Variants in NDC80 observed in about 807,000 individuals in gnomAD.
NDC80 encodes the protein NDC80 kinetochore complex component, also known as kinetochore protein NDC80 homolog.
Under a neutral mutation model 89.3 loss-of-function variants are expected in NDC80, and 69 were observed. The ratio of observed to expected loss-of-function variants is 0.77; its 90% confidence interval spans 0.64 to 0.94. The LOEUF is 0.94. Among genes scored for constraint, NDC80 ranks in the 40% least tolerant of loss-of-function variants. NDC80 has a pLI of 0.00. For missense variants in NDC80, 593 were observed against 739.6 expected (o/e 0.80, Z 2.30); for synonymous variants, 243 against 255.6 (o/e 0.95, Z 0.47).
In NDC80 at chr18:2,610,782, C is replaced by T. The variant is rs536241153; in HGVS notation, c.1712C>T (p.Thr571Met). The change falls in exon 16 of 17, where the codon ACG becomes ATG. Residue 571 changes from threonine (T) to methionine (M), a missense_variant. Transcript: ENST00000261597. ...AGATACCAACTAGTTGTGCAAACCA[C>T]GACTGAAGAAAGACGAAAAGTGGGA... ...QREYQLVVQT[T>M]TEERRKVGNN... 48 of 1,590,782 alleles carry T rather than the reference C, an allele frequency of 3.0e-5. No homozygotes were observed. Among genetic ancestry groups the T allele is most frequent in the African/African-American group, 5.4e-5 (4 of 74,502 alleles).
intron 6 of NDC80, among the ~76,000 whole-genome samples, chr18:2,584,426 T>G (rs556282850): frequency 5.6e-4 from 85 of 152,020 alleles, no homozygotes; most frequent in African/African-American, 2.0e-3. Context: ...TCATTTAAAT[T>G]TTCTATTTTT....
intron 11 of NDC80, 36 bp from the exon 12 acceptor site, chr18:2,598,983 C>T: frequency 6.8e-7 from 1 of 1,474,034 alleles, no homozygotes; most frequent in Non-Finnish European, 9.0e-7. Flanking sequence ...TGGAATGGGG[C>T]TGCTTTAACA....
In NDC80 at chr18:2,578,969, G is replaced by A. The variant is rs1326385543; in HGVS notation, c.519G>A (p.Gly173=). 6.4e-7 allele frequency: 1 copy of A among 1,570,338 alleles called. No individual in the cohort carries two copies. The highest frequency in any genetic ancestry group is 8.6e-7 in the Non-Finnish European group (1 of 1,158,444). The part of the protein sequence containing the change: ...ALSKSSMYTV[G]APHTWPHIVA... Reference sequence around the variant, plus strand: ...CCAAAAGCTCCATGTACACAGTGGGGGCTCCTCATACATGGCCTCACATTG... The same window carrying A: ...CCAAAAGCTCCATGTACACAGTGGGAGCTCCTCATACATGGCCTCACATTG... The change falls in exon 6 of 17, where the codon GGG becomes GGA. Residue 173 remains glycine, a synonymous_variant. Coordinates refer to ENST00000261597, the MANE Select transcript of NDC80 (RefSeq NM_006101.3).
At chr18:2,581,362 A>G (rs1264319209) in intron 6 of NDC80, among the ~76,000 whole-genome samples, 3 of 152,266 alleles carry the variant, frequency 2.0e-5, no homozygotes, top group South Asian at 2.1e-4. Flanking sequence ...AGTCCCATTT[A>G]TGGAAAAACT....
intron 6 of NDC80, among the ~76,000 whole-genome samples, chr18:2,580,962 A>T (rs963424597): frequency 6.6e-6 from 1 of 151,526 alleles, no homozygotes; most frequent in Admixed American, 6.6e-5. Context: ...GGCTGGTCTC[A>T]AACTTCTGAC....
Position 2,599,027 on chromosome 18 carries a change from A to G in NDC80, c.1230A>G (p.Thr410=), listed in dbSNP as rs1221946601. ...GTGTTCTGTTCTTACAGATTGAAACACAATTAGCAGAGTATCACAAATTGG... is the reference window on the plus strand; with the variant it reads ...GTGTTCTGTTCTTACAGATTGAAACGCAATTAGCAGAGTATCACAAATTGG... ...KYARGKEAIE[T]QLAEYHKLAR... Residue 410 remains threonine (T), a synonymous_variant, in exon 12 of 17, where the codon ACA becomes ACG. Coordinates refer to ENST00000261597, the MANE Select transcript of NDC80 (RefSeq NM_006101.3). 1 of 1,604,420 alleles carries G rather than the reference A, an allele frequency of 6.2e-7. No homozygotes were observed. The highest frequency in any genetic ancestry group is 1.3e-5 in the African/African-American group (1 of 74,488).
At chr18:2,612,754 GTA>G (rs1336503101) in intron 16 of NDC80, among the ~76,000 whole-genome samples, 2 of 152,120 alleles carry the variant, frequency 1.3e-5, no homozygotes, top group Non-Finnish European at 2.9e-5. Flanking sequence ...TTTAGTTTCT[GTA>G]TAGTTTGGTG....
chr18:2,594,143 T>G (rs2072641960), intron 10 of NDC80: 1 of 157,818 alleles, frequency 6.3e-6, no homozygotes, highest in Non-Finnish European at 1.4e-5. Context: ...TCCGCCTGCC[T>G]CAGGGCTTCC....
intron 10 of NDC80, among the ~76,000 whole-genome samples, chr18:2,592,775 G>A (rs1015961103): frequency 1.3e-5 from 2 of 152,086 alleles, no homozygotes; most frequent in Non-Finnish European, 2.9e-5. Context: ...GTTGCAAATA[G>A]GTTGTAACAA....
At chr18:2,573,944 A>AG (rs1375492290) in intron 2 of NDC80, among the ~76,000 whole-genome samples, 1 of 152,004 alleles carries the variant, frequency 6.6e-6, no homozygotes, top group Non-Finnish European at 1.5e-5. Context: ...CAGGCTCTAA[A>AG]AAAAAAAAAT....
rs867385029 is a variant in NDC80, at chr18:2,597,695, A to T, written c.1222-1324A>T. Among the ~76,000 whole-genome samples the T allele has an allele frequency of 2.0e-5, 3 of 151,706 alleles. No individual in the cohort carries two copies. In the South Asian group the frequency reaches 6.3e-4, roughly 32 times the overall value. ...CAGTGAGCCAAGATCCCACTATTGC[A>T]CTCCAGCCTGGGCAAAAATAGCAAA... is the stretch of plus-strand genomic sequence containing the variant. On this transcript the variant is annotated intron_variant, in intron 11 of 16. Coordinates refer to ENST00000261597, the MANE Select transcript of NDC80 (RefSeq NM_006101.3).
chr18:2,608,828 G>A lies in NDC80; in HGVS notation c.1686G>A (p.Arg562=), dbSNP rs762883002. ...EAMNELDAVQ[R]EYQLVVQTTT... ...TGAATGAATTAGATGCTGTTCAGCGGGAGTAAGTTTATCTCACCAAGATTT... is the reference window on the plus strand; with the variant it reads ...TGAATGAATTAGATGCTGTTCAGCGAGAGTAAGTTTATCTCACCAAGATTT... Residue 562 remains arginine, a splice_region_variant and synonymous_variant, in exon 15 of 17, where the codon CGG becomes CGA. Coordinates refer to ENST00000261597, the MANE Select transcript of NDC80 (RefSeq NM_006101.3). The A allele has an allele frequency of 6.2e-7, 1 of 1,601,956 alleles. No homozygotes were observed. Among genetic ancestry groups the A allele is most frequent in the South Asian group, 1.1e-5 (1 of 90,124 alleles).
Position 2,614,647 on chromosome 18 carries a change from A to G in NDC80, c.1792-1790A>G, listed in dbSNP as rs1240513324. Among the ~76,000 whole-genome samples the G allele has an allele frequency of 6.5e-5, 6 of 92,514 alleles. 1 individual carries two copies. Among genetic ancestry groups the G allele is most frequent in the Non-Finnish European group, 9.7e-5 (4 of 41,358 alleles). 60.7% of individuals were successfully genotyped at this position (92,514 alleles called of 152,430 possible). On this transcript the variant is annotated intron_variant, in intron 16 of 16. Transcript: ENST00000261597. ...AAAGAAAGAAAGAAAGAAAGAAAGA[A>G]AGAAAGAAATAAATTTGGCAATCCG...
intron 16 of NDC80, chr18:2,614,466 A>ATCC (rs2072762738): frequency 1.4e-4 from 1 of 6,960 alleles, no homozygotes; most frequent in African/African-American, 6.7e-4. Flanking sequence ...AAAGAAAGAA[A>ATCC]GAAAGAAAGA....
chr18:2,603,964 A>G (rs946767828), intron 13 of NDC80, among the ~76,000 whole-genome samples: 1 of 152,232 alleles, frequency 6.6e-6, no homozygotes, highest in Non-Finnish European at 1.5e-5. Context: ...ATACCACAAC[A>G]TGACAAAGAT....
intron 10 of NDC80, among the ~76,000 whole-genome samples, chr18:2,590,483 A>G (rs1482249346): frequency 1.3e-5 from 2 of 152,136 alleles, no homozygotes; most frequent in Admixed American, 6.6e-5. Flanking sequence ...TTACTGGGCT[A>G]TGTTCACATC....
Position 2,605,270 on chromosome 18 carries a change from ATGTATGTGTG to A in NDC80, c.1465-1141_1465-1132del, listed in dbSNP as rs2072704498. On this transcript the variant is annotated intron_variant, in intron 13 of 16. Transcript: ENST00000261597. ...AGGCAATTGGAGTCGGGCGGGCTAT[ATGTATGTGTG>A]TGTGTGTGTGTGTGTGTGTGTGTGT... is the stretch of plus-strand genomic sequence containing the variant. Among the ~76,000 whole-genome samples, 69 of 98,204 alleles carry A rather than the reference ATGTATGTGTG, an allele frequency of 7.0e-4. 1 individual carries two copies. Among genetic ancestry groups the A allele is most frequent in the African/African-American group, 2.6e-3 (67 of 26,266 alleles). The allele number at this position is 98,204 out of a possible 152,430, so 64.4% of individuals were successfully genotyped here.
At chr18:2,595,738 C>A in intron 11 of NDC80, 117 bp downstream of exon 11, 1 of 693,194 alleles carries the variant, frequency 1.4e-6, no homozygotes, top group East Asian at 2.8e-5. Context: ...AAAACATTAG[C>A]ATTGACATTT....
chr18:2,606,156 T>C (rs1305517537), intron 13 of NDC80, among the ~76,000 whole-genome samples: 1 of 151,148 alleles, frequency 6.6e-6, no homozygotes, highest in African/African-American at 2.4e-5. Flanking sequence ...ATATATAATA[T>C]ATATGAGAGC....
Sources: gnomAD v4.1 joint callset for allele counts (sites outside exome capture counted in the v4.1 genomes callset) on GRCh38, gnomAD v4.1.1 for gene constraint, MANE v1.5 for transcripts, NCBI Gene and HGNC (gene_info 2026-07-23, HGNC 2026-07-21) for gene names.